Variants in STS observed in about 807,000 individuals in gnomAD.
STS encodes steryl-sulfatase.
Under a neutral mutation model 26.8 loss-of-function variants are expected in STS, and 7 were observed. That is an observed-to-expected ratio of 0.26 (90% CI 0.15 to 0.49). The LOEUF (loss-of-function observed/expected upper bound fraction) is 0.49. Among genes scored for constraint, STS ranks in the 20% least tolerant of loss-of-function variants. STS has a pLI of 0.98. For missense variants in STS, 434 were observed against 465.6 expected, an observed-to-expected ratio of 0.93 and a Z score of 0.63; for synonymous variants, 199 against 189.4, an observed-to-expected ratio of 1.05 and a Z score of -0.42.
intron 8 of STS, 130 bp from the exon 9 acceptor site, chrX:7,325,209 A>T (rs1403882676): frequency 3.0e-6 from 2 of 656,565 alleles, no homozygotes; most frequent in African/African-American, 4.4e-5. Flanking sequence ...CTCATGGAAT[A>T]CTCATAGATG....
intron 7 of STS, 88 bp downstream of exon 7, chrX:7,276,175 T>C: frequency 8.9e-7 from 1 of 1,119,664 alleles, no homozygotes; most frequent in Non-Finnish European, 1.2e-6. Flanking sequence ...TCTTTGTTCC[T>C]GATGCCTTTA....
rs1434061046 is a variant in STS at position 7,147,842 on chromosome X, G to C, written c.-375G>C. 6.5e-6 allele frequency: 1 copy of C among 153,640 alleles called. No individual in the cohort carries two copies. The highest frequency in any genetic ancestry group is 1.3e-5 in the Non-Finnish European group (1 of 76,983). The allele number at this position is 153,640 out of a possible 1,213,427, so 12.7% of individuals were successfully genotyped here. On this transcript the variant is annotated 5_prime_UTR_variant, in exon 1 of 11. Transcript: ENST00000674429. ...GGGGCCGCGTAGACGCCGCGGCCACGCGCGCCCGCCAGCCCGGACATGGGC... is the reference window on the plus strand; with the variant it reads ...GGGGCCGCGTAGACGCCGCGGCCACCCGCGCCCGCCAGCCCGGACATGGGC...
At chrX:7,255,535 A>G (rs1923364331) in intron 3 of STS, among the ~76,000 whole-genome samples, 1 of 112,282 alleles carries the variant, frequency 8.9e-6, no homozygotes, top group Non-Finnish European at 1.9e-5. Context: ...TATCAAAAGA[A>G]AAAATGTCTA....
intron 8 of STS, among the ~76,000 whole-genome samples, chrX:7,315,696 G>C (rs1926683939): frequency 9.0e-6 from 1 of 111,305 alleles, no homozygotes. Context: ...TGAAGAACTT[G>C]GAGTCTGATA....
intron 10 of STS, among the ~76,000 whole-genome samples, chrX:7,346,629 C>G (rs1336548017): frequency 8.9e-6 from 1 of 111,787 alleles, no homozygotes; most frequent in East Asian, 2.8e-4. Context: ...AGTCTTTTAT[C>G]AGAGCAGTTG....
At chrX:7,166,661 AG>A (rs1933356400) in intron 1 of STS, among the ~76,000 whole-genome samples, 3 of 112,138 alleles carry the variant, frequency 2.7e-5, no homozygotes, top group Middle Eastern at 4.6e-3. Flanking sequence ...AGGTGCCTAG[AG>A]CTTGCAGGTT....
At chrX:7,349,426 C>T (rs1199172047) in intron 10 of STS, among the ~76,000 whole-genome samples, 1 of 91,420 alleles carries the variant, frequency 1.1e-5, no homozygotes, top group Non-Finnish European at 2.1e-5. Flanking sequence ...ACCACCACCT[C>T]CCAGGTTCAA....
chrX:7,324,243 G>A (rs1252925237), intron 8 of STS, among the ~76,000 whole-genome samples: 1 of 110,902 alleles, frequency 9.0e-6, no homozygotes, highest in African/African-American at 3.3e-5. Context: ...TGAAAGAGTT[G>A]ATTTAAAGAC....
At chrX:7,225,245 G>A (rs1921748541) in intron 2 of STS, among the ~76,000 whole-genome samples, 1 of 111,663 alleles carries the variant, frequency 9.0e-6, no homozygotes, top group African/African-American at 3.3e-5. Context: ...TGAGAACCCC[G>A]AAGCCAGAAT....
chrX:7,349,315 CCTT>C lies in STS; in HGVS notation c.1364-572_1364-570del, dbSNP rs1928671513. ...CGCTGCACTCGGCCCTCATTTAATT[CCTT>C]TTTTTTTTTTTTTTTTTTTTTTTTT... On this transcript the variant is annotated intron_variant, in intron 10 of 10. Coordinates refer to ENST00000674429, the MANE Select transcript of STS (RefSeq NM_001320752.2). Among the ~76,000 whole-genome samples the C allele has an allele frequency of 2.0e-3, 40 of 20,285 alleles. 12 individuals carry two copies. The highest frequency in any genetic ancestry group is 0.015 in the South Asian group (4 of 274). 17.6% of individuals were successfully genotyped at this position (20,285 alleles called of 115,157 possible).
At chrX:7,246,528 G>A (rs1227022246) in intron 2 of STS, among the ~76,000 whole-genome samples, 2 of 110,178 alleles carry the variant, frequency 1.8e-5, no homozygotes, top group African/African-American at 6.6e-5. Context: ...GGATGGTCTC[G>A]ATCTCCTGAC....
chrX:7,164,148 T>G (rs1212695826), intron 1 of STS, among the ~76,000 whole-genome samples: 1 of 111,944 alleles, frequency 8.9e-6, no homozygotes, highest in Admixed American at 9.5e-5. Flanking sequence ...TTAACATGGG[T>G]GACCACAGGC....
At chrX:7,187,534 C>A (rs1483933130) in intron 1 of STS, among the ~76,000 whole-genome samples, 20 of 112,118 alleles carry the variant, frequency 1.8e-4, no homozygotes, top group African/African-American at 6.5e-4. Flanking sequence ...AATAACTACA[C>A]GGCCTGGGCT....
chrX:7,281,642 G>A (rs1157974769), intron 7 of STS, among the ~76,000 whole-genome samples: 3 of 111,964 alleles, frequency 2.7e-5, no homozygotes, highest in African/African-American at 9.8e-5. Flanking sequence ...GGCCTCATTC[G>A]TAAGAGCTCA....
intron 8 of STS, among the ~76,000 whole-genome samples, chrX:7,322,245 G>A: frequency 8.9e-6 from 1 of 112,072 alleles, no homozygotes; most frequent in Middle Eastern, 4.6e-3. Flanking sequence ...TTGTTATGCA[G>A]ATGAGACCTC....
chrX:7,242,832 C>T (rs1396543604), intron 2 of STS, among the ~76,000 whole-genome samples: 1 of 111,387 alleles, frequency 9.0e-6, no homozygotes, highest in African/African-American at 3.3e-5. Flanking sequence ...GGTACTTGTG[C>T]ATTTCCTCAT....
chrX:7,333,112 A>G (rs1819431256), intron 9 of STS, among the ~76,000 whole-genome samples: 1 of 112,284 alleles, frequency 8.9e-6, no homozygotes, highest in African/African-American at 3.2e-5. Context: ...CCTTGTAACA[A>G]GAGATGGCAG....
rs1203690180 is a variant in STS at position 7,148,054 on chromosome X, CAGA to C, written c.-157_-155del. ...AGGCGGCGGCTGCACACTACCCACC[CAGA>C]AGAAGTCCGTCCATGTCAAAGATGA... is the stretch of plus-strand genomic sequence containing the variant. On this transcript the variant is annotated 5_prime_UTR_variant, in exon 1 of 11. Coordinates refer to ENST00000674429, the MANE Select transcript of STS (RefSeq NM_001320752.2). The C allele has an allele frequency of 4.4e-6, 5 of 1,139,018 alleles. No individual in the cohort carries two copies. The highest frequency in any genetic ancestry group is 2.0e-5 in the South Asian group (1 of 50,670). The allele number at this position is 1,139,018 out of a possible 1,213,427, so 93.9% of individuals were successfully genotyped here. A position where few individuals can be genotyped will look rare whatever the true frequency, so the allele number is the denominator to read the frequency against.
intron 6 of STS, among the ~76,000 whole-genome samples, 172 bp downstream of exon 6, chrX:7,259,944 C>T (rs933489749): frequency 1.7e-4 from 19 of 111,018 alleles, no homozygotes; most frequent in Admixed American, 9.5e-5. Flanking sequence ...GGCGTGATCT[C>T]GGCTCACTGC....
Sources: allele counts gnomAD v4.1 joint callset (sites outside exome capture counted in the v4.1 genomes callset), GRCh38; gene constraint gnomAD v4.1.1; transcripts MANE v1.5; gene names NCBI Gene and HGNC (gene_info 2026-07-23, HGNC 2026-07-21).